SH3BGR: variants seen among roughly 807,000 people sequenced by gnomAD.
SH3BGR encodes SH3 domain-binding glutamic acid-rich protein.
SH3BGR carries 29 observed loss-of-function variants against 24.5 expected under a neutral mutation model. The ratio of observed to expected loss-of-function variants is 1.18; its 90% CI spans 0.88 to 1.61. The LOEUF is 1.61. Among genes scored for constraint, SH3BGR ranks in the 40% most tolerant of loss-of-function variants. SH3BGR has a pLI of 0.00. For synonymous variants in SH3BGR, 55 were observed against 65.7 expected (o/e 0.84, Z 0.79); for missense variants, 162 against 205.8 (o/e 0.79, Z 1.30).
At chr21:39,474,879 G>T (rs949689242) in intron 2 of SH3BGR, among the ~76,000 whole-genome samples, 4 of 86,480 alleles carry the variant, frequency 4.6e-5, no homozygotes, top group South Asian at 4.9e-4. Flanking sequence ...CAATTCCTGA[G>T]CATGGGTAGG....
At chr21:39,465,982 C>A (rs1316412499) in intron 2 of SH3BGR, among the ~76,000 whole-genome samples, 1 of 152,132 alleles carries the variant, frequency 6.6e-6, no homozygotes, top group African/African-American at 2.4e-5. Context: ...TTGTTTTCAG[C>A]CTCTCCCCCT....
In SH3BGR at chr21:39,462,541, A is replaced by G. The variant is rs201912802; in HGVS notation, c.212A>G (p.Asn71Ser). Residue 71 changes from asparagine to serine, a missense_variant, in exon 2 of 7, where the codon AAT (asparagine) becomes AGT (serine). By Grantham distance (46) the Asn-to-Ser change is conservative. Transcript: ENST00000333634. ...ATTCCTTTGCCTCCCCAGATCTTCAATGAGGAGCAGTACTGTGGGGTGAGT... is the reference window on the plus strand; with the variant it reads ...ATTCCTTTGCCTCCCCAGATCTTCAGTGAGGAGCAGTACTGTGGGGTGAGT... ...NGIPLPPQIF[N>S]EEQYCGDFDS... The G allele has an allele frequency of 5.1e-5, 82 of 1,599,364 alleles. No individual in the cohort carries two copies. Among genetic ancestry groups the G allele is most frequent in the Middle Eastern group, 1.7e-4 (1 of 6,008 alleles).
intron 3 of SH3BGR, among the ~76,000 whole-genome samples, chr21:39,480,212 C>G (rs1047954937): frequency 6.6e-6 from 1 of 152,204 alleles, no homozygotes; most frequent in Non-Finnish European, 1.5e-5. Flanking sequence ...ACACACCACA[C>G]AATTCACCCA....
chr21:39,449,610 T>G (rs16997635), upstream of SH3BGR, among the ~76,000 whole-genome samples: 5,523 of 152,314 alleles, frequency 0.036, 123 homozygotes, highest in Middle Eastern at 0.099. Context: ...ATTTTTAATT[T>G]GTACATTTTT....
intron 4 of SH3BGR, among the ~76,000 whole-genome samples, chr21:39,501,997 AC>A (rs1313970975): frequency 6.6e-6 from 1 of 151,988 alleles, no homozygotes; most frequent in African/African-American, 2.4e-5. Context: ...ACATGGTAAA[AC>A]CCCGTCTCTA....
chr21:39,457,811 C>G (rs2077687336), intron 1 of SH3BGR, among the ~76,000 whole-genome samples: 1 of 151,778 alleles, frequency 6.6e-6, no homozygotes, highest in South Asian at 2.1e-4. Flanking sequence ...ATAGTGCCAG[C>G]TATTCGGGAG....
At chr21:39,451,682 T>A (rs1382698132), upstream of SH3BGR, 27 of 565,428 alleles carry the variant, frequency 4.8e-5, no homozygotes, top group Admixed American at 3.8e-4. Flanking sequence ...CTCCCTCACT[T>A]CTTTCGCCTC....
At chr21:39,461,830 A>ATAAT (rs1301394861) in intron 1 of SH3BGR, among the ~76,000 whole-genome samples, 5 of 152,080 alleles carry the variant, frequency 3.3e-5, no homozygotes, top group East Asian at 1.9e-4. Context: ...TGATTATACA[A>ATAAT]TAATTAATTA....
rs750531382 is a variant in SH3BGR, at chr21:39,499,818, A to G, written c.313-5A>G. On this transcript the variant is annotated splice_region_variant and splice_polypyrimidine_tract_variant and intron_variant, in intron 3 of 6. Coordinates refer to ENST00000333634, the MANE Select transcript of SH3BGR (RefSeq NM_007341.3). ...GCTCATATCCTGGGTTTCCTTTATG[A>G]CCAGGGATCAGAGAAGGCTGAAGAA... is the stretch of plus-strand genomic sequence containing the variant. 1.2e-6 allele frequency: 2 copies of G among 1,609,798 alleles called. No individual in the cohort carries two copies. Among genetic ancestry groups the G allele is most frequent in the Non-Finnish European group, 1.7e-6 (2 of 1,177,380 alleles).
In SH3BGR at chr21:39,511,734, A is replaced by G. The variant is rs991694146; in HGVS notation, c.490A>G (p.Thr164Ala). 2 of 1,564,056 alleles carry G rather than the reference A, an allele frequency of 1.3e-6. No homozygotes were observed. Among genetic ancestry groups the G allele is most frequent in the Middle Eastern group, 1.8e-4 (1 of 5,586 alleles). The change falls in exon 6 of 7, where the codon ACT (threonine) becomes GCT (alanine). Residue 164 changes from threonine (T) to alanine (A), a missense_variant. Physicochemically the swap from Thr to Ala is moderately conservative, Grantham distance 58. Coordinates refer to ENST00000333634, the MANE Select transcript of SH3BGR (RefSeq NM_007341.3). This position sits in a 1 kb window ranked among gnomAD's most constrained non-coding sequence, Gnocchi z 4.2. ...AGGGGAAGCCGAGGAGGAGGAAGAA[A>G]CTGCAGAAGGAGAAGAGCCTGGAGA... Reference protein sequence around the residue: ...AEGEAEEEEETAEGEEPGEDE... With the variant: ...AEGEAEEEEEAAEGEEPGEDE...
chr21:39,492,498 A>AT (rs2078321775), intron 3 of SH3BGR, among the ~76,000 whole-genome samples: 1 of 147,922 alleles, frequency 6.8e-6, no homozygotes, highest in African/African-American at 2.6e-5. Flanking sequence ...ACACACACAC[A>AT]CCACATTTTC....
chr21:39,461,576 A>G (rs1314723820), intron 1 of SH3BGR, among the ~76,000 whole-genome samples: 1 of 152,192 alleles, frequency 6.6e-6, no homozygotes, highest in Non-Finnish European at 1.5e-5. Context: ...CAGAAAAAGG[A>G]TGTGAGGTAC....
intron 3 of SH3BGR, chr21:39,491,594 G>A (rs73370028): frequency 0.018 from 4,332 of 239,960 alleles, 221 homozygotes; most frequent in African/African-American, 0.093. Context: ...GGTCTAAGTA[G>A]GGGTGGAGGT....
At chr21:39,472,596 A>G (rs2077959647) in intron 2 of SH3BGR, among the ~76,000 whole-genome samples, 1 of 152,220 alleles carries the variant, frequency 6.6e-6, no homozygotes, top group African/African-American at 2.4e-5. Flanking sequence ...ATTTTTTAGG[A>G]TCACACATGG....
chr21:39,483,012 T>G (rs566692156), intron 3 of SH3BGR, among the ~76,000 whole-genome samples: 2 of 152,338 alleles, frequency 1.3e-5, no homozygotes, highest in South Asian at 4.1e-4. Context: ...CAATGTTGTA[T>G]TGCCTTTGCT....
chr21:39,448,303 A>G (rs1036699827), upstream of SH3BGR, among the ~76,000 whole-genome samples: 2 of 152,172 alleles, frequency 1.3e-5, no homozygotes, highest in Admixed American at 1.3e-4. Context: ...TATTATGGTA[A>G]TCATTTCCAT....
intron 3 of SH3BGR, among the ~76,000 whole-genome samples, chr21:39,484,235 A>G (rs532976782): frequency 6.6e-6 from 1 of 152,350 alleles, no homozygotes; most frequent in South Asian, 2.1e-4. Flanking sequence ...TAAGATGCAG[A>G]ATCTGGGACT....
chr21:39,486,808 C>G (rs2078219150), intron 3 of SH3BGR, among the ~76,000 whole-genome samples: 1 of 152,104 alleles, frequency 6.6e-6, no homozygotes. Flanking sequence ...CTTCCGCCTC[C>G]CAAGTTCAAG....
intron 5 of SH3BGR, among the ~76,000 whole-genome samples, chr21:39,510,372 A>G (rs879596903): frequency 0.026 from 3,852 of 145,378 alleles, 71 homozygotes; most frequent in Middle Eastern, 0.059. Flanking sequence ...ACATACACAC[A>G]CACACACACA....
Sources: allele counts gnomAD v4.1 joint callset (sites outside exome capture counted in the v4.1 genomes callset), GRCh38; gene constraint gnomAD v4.1.1; non-coding constraint Gnocchi (gnomAD v3.1); transcripts MANE v1.5; gene names NCBI Gene and HGNC (gene_info 2026-07-23, HGNC 2026-07-21).